TANK: variants seen among roughly 807,000 people sequenced by gnomAD.
The protein encoded by TANK is TRAF family member associated NFKB activator.
TANK carries 15 observed loss-of-function variants against 43.6 expected under a neutral mutation model. The observed-to-expected ratio is 0.34, with a 90% CI of 0.23 to 0.53. TANK has a LOEUF of 0.53. Among genes scored for constraint, TANK ranks in the 20% least tolerant of loss-of-function variants. The probability of loss-of-function intolerance (pLI) is 0.94; values close to 1 mark genes in which losing one functional copy is unlikely to be tolerated. For missense variants in TANK, 417 were observed against 498.6 expected (o/e 0.84, Z 1.56); for synonymous variants, 162 against 178.2 (o/e 0.91, Z 0.73).
At chr2:161,205,583 A>G (rs542368554) in intron 4 of TANK, among the ~76,000 whole-genome samples, 109 of 152,302 alleles carry the variant, frequency 7.2e-4, no homozygotes, top group Admixed American at 1.9e-3. Flanking sequence ...GCAAGGAGAC[A>G]TATACAAGGA....
intron 1 of TANK, among the ~76,000 whole-genome samples, chr2:161,167,437 T>C (rs1459083876): frequency 6.6e-6 from 1 of 152,152 alleles, no homozygotes; most frequent in Non-Finnish European, 1.5e-5. Context: ...GGCAGGATAA[T>C]GGCTGCCAAA....
intron 2 of TANK, among the ~76,000 whole-genome samples, chr2:161,202,061 T>C (rs1191977990): frequency 6.6e-6 from 1 of 152,196 alleles, no homozygotes; most frequent in Non-Finnish European, 1.5e-5. Flanking sequence ...CTTTAGGCAA[T>C]GTGCAAAGAC....
chr2:161,139,833 C>A (rs1683690540), intron 1 of TANK: 1 of 985,264 alleles, frequency 1.0e-6, no homozygotes, highest in African/African-American at 1.7e-5. Flanking sequence ...ACGCTTTGTG[C>A]AAAAAGCCTT....
At chr2:161,211,142 G>A (rs1391621542) in intron 4 of TANK, among the ~76,000 whole-genome samples, 6 of 152,124 alleles carry the variant, frequency 3.9e-5, no homozygotes, top group Non-Finnish European at 5.9e-5. Context: ...CGGCATTTAC[G>A]CATGGTCTGC....
At chr2:161,195,085 C>T (rs1327231958) in intron 2 of TANK, among the ~76,000 whole-genome samples, 1 of 152,056 alleles carries the variant, frequency 6.6e-6, no homozygotes, top group East Asian at 1.9e-4. Flanking sequence ...GGTTTTACTT[C>T]CAGAAATATG....
At chr2:161,138,494 C>T (rs192452827) in intron 1 of TANK, among the ~76,000 whole-genome samples, 1 of 152,230 alleles carries the variant, frequency 6.6e-6, no homozygotes, top group African/African-American at 2.4e-5. Flanking sequence ...ACGCAGCAAC[C>T]AAGTCATTTT....
intron 1 of TANK, among the ~76,000 whole-genome samples, chr2:161,149,175 T>C (rs1038817677): frequency 5.3e-5 from 8 of 152,178 alleles, no homozygotes; most frequent in African/African-American, 1.9e-4. Context: ...TTCAGAAATG[T>C]TTTGTAGTTT....
At chr2:161,210,494 A>G (rs1476043053) in intron 4 of TANK, among the ~76,000 whole-genome samples, 3 of 152,116 alleles carry the variant, frequency 2.0e-5, no homozygotes, top group South Asian at 2.1e-4. Context: ...AAAATAATGT[A>G]AAGTCCTAAT....
At chr2:161,162,935 T>C (rs1405986386) in intron 1 of TANK, 1 of 152,212 alleles carries the variant, frequency 6.6e-6, no homozygotes, top group Non-Finnish European at 1.5e-5. Flanking sequence ...ATAGGTACTT[T>C]TCATCTTTGA....
intron 1 of TANK, among the ~76,000 whole-genome samples, chr2:161,141,479 C>A (rs1683744980): frequency 6.6e-6 from 1 of 152,112 alleles, no homozygotes; most frequent in Admixed American, 6.6e-5. Context: ...TCCCTCCTTC[C>A]TCTTGCCCCT....
At chr2:161,203,419 C>T (rs934762828) in intron 2 of TANK, 68 bp from the exon 3 acceptor site, 2 of 1,036,900 alleles carry the variant, frequency 1.9e-6, no homozygotes, top group African/African-American at 3.2e-5. Context: ...TTTATATTAT[C>T]AATGGATGGT....
intron 1 of TANK, among the ~76,000 whole-genome samples, chr2:161,178,360 G>A (rs1306021299): frequency 6.6e-6 from 1 of 151,948 alleles, no homozygotes; most frequent in Non-Finnish European, 1.5e-5. Flanking sequence ...GCTACATCAT[G>A]GATGAACCTC....
chr2:161,209,072 C>A (rs535479821), intron 4 of TANK, among the ~76,000 whole-genome samples: 1 of 152,096 alleles, frequency 6.6e-6, no homozygotes, highest in Non-Finnish European at 1.5e-5. Context: ...ACTTAATATT[C>A]ACTTAATAGT....
intron 6 of TANK, chr2:161,226,920 T>C (rs1024670946): frequency 6.6e-6 from 1 of 152,294 alleles, no homozygotes; most frequent in Non-Finnish European, 1.5e-5. Context: ...AACGTGATTA[T>C]ACTGAGAAGT....
intron 4 of TANK, among the ~76,000 whole-genome samples, chr2:161,205,917 G>A (rs1380831194): frequency 6.6e-6 from 1 of 152,088 alleles, no homozygotes; most frequent in African/African-American, 2.4e-5. Context: ...AATTCTACAG[G>A]CGCATGCTGC....
At chr2:161,174,870 T>C (rs1000748135) in intron 1 of TANK, among the ~76,000 whole-genome samples, 10 of 152,156 alleles carry the variant, frequency 6.6e-5, no homozygotes, top group Admixed American at 4.6e-4. Context: ...TCCTTGCCTG[T>C]TTTAGTAAAG....
chr2:161,153,259 T>C (rs1684127969), intron 1 of TANK, among the ~76,000 whole-genome samples: 1 of 152,148 alleles, frequency 6.6e-6, no homozygotes, highest in African/African-American at 2.4e-5. Flanking sequence ...TCTTTGTCCA[T>C]GGTTTTCTTT....
At chr2:161,197,469 T>C (rs1426358174) in intron 2 of TANK, 1 of 152,234 alleles carries the variant, frequency 6.6e-6, no homozygotes, top group Non-Finnish European at 1.5e-5. Flanking sequence ...TTCATAAACA[T>C]GTGCTACATG....
chr2:161,145,652 C>T (rs1225626006), intron 1 of TANK, among the ~76,000 whole-genome samples: 1 of 151,878 alleles, frequency 6.6e-6, no homozygotes, highest in Non-Finnish European at 1.5e-5. Flanking sequence ...TATTGGCCCC[C>T]ACTCTCTTCT....
Sources: gnomAD v4.1 joint callset for allele counts (sites outside exome capture counted in the v4.1 genomes callset) on GRCh38, gnomAD v4.1.1 for gene constraint, MANE v1.5 for transcripts, NCBI Gene and HGNC (gene_info 2026-07-23, HGNC 2026-07-21) for gene names.